The following CCNY variants were observed in gnomAD, a reference collection of about 807,000 sequenced individuals.
The protein encoded by CCNY is cyclin-Y.
CCNY carries 19 observed loss-of-function variants against 42.8 expected under a neutral mutation model. That is an observed-to-expected ratio of 0.44 (90% CI 0.31 to 0.65). The LOEUF is 0.65. Among genes scored for constraint, CCNY ranks in the 30% least tolerant of loss-of-function variants. CCNY has a pLI of 0.07. For synonymous variants in CCNY, 165 were observed against 162.7 expected, an observed-to-expected ratio of 1.01 and a Z score of -0.11; for missense variants, 370 against 437.3, an observed-to-expected ratio of 0.85 and a Z score of 1.37.
At chr10:35,568,223 T>C (rs1841610256) in intron 9 of CCNY, among the ~76,000 whole-genome samples, 1 of 152,204 alleles carries the variant, frequency 6.6e-6, no homozygotes, top group Admixed American at 6.5e-5. Flanking sequence ...TCCCTCAGGT[T>C]TCTCCGAGTG....
intron 7 of CCNY, among the ~76,000 whole-genome samples, chr10:35,551,579 TGTA>T (rs1027995936): frequency 3.5e-5 from 5 of 144,138 alleles, no homozygotes; most frequent in East Asian, 4.3e-4. Context: ...TGATAAAAAC[TGTA>T]GTAGTAATTT....
Position 35,466,897 on chromosome 10 carries a change from C to CTAGT in CCNY, c.155-16506_155-16503dup, listed in dbSNP as rs529075991. On this transcript the variant is annotated intron_variant, in intron 1 of 9. Transcript: ENST00000374704. ...AAGCGATCCTCCTGCCCCAGCCTCC[C>CTAGT]TAGTAGTTGGGACTAGACGCCTGCA... 4.3e-4 allele frequency among the ~76,000 whole-genome samples: 65 copies of CTAGT among 152,336 alleles called. 1 individual carries two copies. The East Asian group carries it at 0.012, about 27-fold the overall frequency.
chr10:35,465,964 T>G (rs1839260384), intron 1 of CCNY, among the ~76,000 whole-genome samples: 1 of 150,528 alleles, frequency 6.6e-6, no homozygotes, highest in South Asian at 2.1e-4. Flanking sequence ...TGTGTGTCTG[T>G]GTGTGTGTGT....
At chr10:35,447,218 A>G (rs1838812382) in intron 1 of CCNY, among the ~76,000 whole-genome samples, 1 of 152,232 alleles carries the variant, frequency 6.6e-6, no homozygotes, top group South Asian at 2.1e-4. Context: ...CGGAGCTTGC[A>G]GTGAGCTGAG....
At chr10:35,551,957 T>TA (rs1841267331) in intron 7 of CCNY, among the ~76,000 whole-genome samples, 2 of 152,200 alleles carry the variant, frequency 1.3e-5, no homozygotes, top group Admixed American at 1.3e-4. Flanking sequence ...TGGAAAATGA[T>TA]ATGGCAGCTC....
chr10:35,293,847 G>A lies in CCNY; in HGVS notation c.-9+43221G>A, dbSNP rs1835442426. 2.7e-5 allele frequency among the ~76,000 whole-genome samples: 4 copies of A among 149,550 alleles called. No individual in the cohort carries two copies. The South Asian group carries it at 6.3e-4, about 24-fold the overall frequency. ...ACTCTGTCACCCAGGCTGGAGTGCA[G>A]TGGCATGATCTCAGCTCACTGCAAC... On this transcript the variant is annotated intron_variant, in intron 3 of 11. Transcript: ENST00000374706.
intron 3 of CCNY, among the ~76,000 whole-genome samples, chr10:35,263,400 G>C (rs1183591978): frequency 2.0e-5 from 3 of 150,132 alleles, no homozygotes; most frequent in Non-Finnish European, 4.4e-5. Context: ...AATTAGCTGA[G>C]TGTGGTGGCA....
At chr10:35,249,481 C>G (rs950882314) in intron 2 of CCNY, among the ~76,000 whole-genome samples, 1 of 152,160 alleles carries the variant, frequency 6.6e-6, no homozygotes, top group Non-Finnish European at 1.5e-5. Flanking sequence ...GAGAATGAGT[C>G]TTGGTCACAT....
At chr10:35,323,894 C>A (rs1353374205) in intron 3 of CCNY, among the ~76,000 whole-genome samples, 2 of 151,954 alleles carry the variant, frequency 1.3e-5, no homozygotes, top group East Asian at 3.9e-4. Flanking sequence ...TGGGCACGTG[C>A]CTGTAGTCCT....
chr10:35,561,412 G>A (rs1384362341), intron 8 of CCNY, among the ~76,000 whole-genome samples: 1 of 152,136 alleles, frequency 6.6e-6, no homozygotes, highest in Non-Finnish European at 1.5e-5. Context: ...TGTTTACATA[G>A]ATTTTATTTT....
chr10:35,310,181 G>T (rs1325082227), intron 3 of CCNY, among the ~76,000 whole-genome samples: 1 of 152,192 alleles, frequency 6.6e-6, no homozygotes, highest in Non-Finnish European at 1.5e-5. Flanking sequence ...TGTGGTATTT[G>T]TCTTTCTGTG....
chr10:35,291,528 CTT>C (rs71523373), intron 3 of CCNY, among the ~76,000 whole-genome samples: 176 of 109,290 alleles, frequency 1.6e-3, no homozygotes, highest in African/African-American at 2.6e-3. Flanking sequence ...GTACGACTTC[CTT>C]TTTTTTTTTT....
At chr10:35,492,649 G>A (rs953069493) in intron 2 of CCNY, among the ~76,000 whole-genome samples, 3 of 152,136 alleles carry the variant, frequency 2.0e-5, no homozygotes, top group Admixed American at 6.5e-5. Flanking sequence ...TTCACATTCC[G>A]CAGTCTCTGC....
intron 3 of CCNY, among the ~76,000 whole-genome samples, chr10:35,511,371 G>A (rs557203347): frequency 2.1e-4 from 32 of 152,290 alleles, no homozygotes; most frequent in African/African-American, 5.5e-4. Context: ...GGGTGAACAC[G>A]GGCATAGAAC....
At chr10:35,381,559 C>A (rs1310154120) in intron 1 of CCNY, among the ~76,000 whole-genome samples, 1 of 148,230 alleles carries the variant, frequency 6.7e-6, no homozygotes, top group East Asian at 2.0e-4. Context: ...GAGTGAGACT[C>A]CGTCTCAAAA....
intron 3 of CCNY, among the ~76,000 whole-genome samples, chr10:35,252,293 C>A: frequency 6.6e-6 from 1 of 152,036 alleles, no homozygotes; most frequent in Non-Finnish European, 1.5e-5. Context: ...TGGCCGGGCG[C>A]GGTGGCTCAG....
chr10:35,301,086 G>A (rs1224076240), intron 3 of CCNY, among the ~76,000 whole-genome samples: 2 of 152,140 alleles, frequency 1.3e-5, no homozygotes, highest in African/African-American at 4.8e-5. Context: ...GGGATTATAG[G>A]GGTGAGCCAC....
intron 1 of CCNY, among the ~76,000 whole-genome samples, chr10:35,373,431 C>T (rs1404978992): frequency 6.6e-6 from 1 of 152,138 alleles, no homozygotes; most frequent in South Asian, 2.1e-4. Context: ...GTGTGCTCAC[C>T]TCCCACCCCA....
intron 1 of CCNY, among the ~76,000 whole-genome samples, chr10:35,416,482 A>C (rs1838028812): frequency 6.6e-6 from 1 of 152,164 alleles, no homozygotes; most frequent in Admixed American, 6.5e-5. Context: ...GGGAGAAATT[A>C]GAATCTAATT....
Sources: allele counts gnomAD v4.1 joint callset (sites outside exome capture counted in the v4.1 genomes callset), GRCh38; gene constraint gnomAD v4.1.1; transcripts MANE v1.5; gene names NCBI Gene and HGNC (gene_info 2026-07-23, HGNC 2026-07-21).